The following DOCK3 variants were observed in gnomAD, a reference collection of about 807,000 sequenced individuals.
DOCK3 encodes the protein dedicator of cytokinesis 3, also known as dedicator of cytokinesis protein 3.
DOCK3 carries 60 observed loss-of-function variants against 265.6 expected under a neutral mutation model. The observed-to-expected ratio is 0.23, with a 90% CI of 0.18 to 0.28. The LOEUF (loss-of-function observed/expected upper bound fraction) is 0.28, where lower values mean the gene tolerates loss of function less well. Among genes scored for constraint, DOCK3 ranks in the 10% least tolerant of loss-of-function variants. DOCK3 has a pLI of 1.00. For missense variants in DOCK3, 1,981 were observed against 2,594.3 expected (o/e 0.76, Z 5.14); for synonymous variants, 881 against 938.0 (o/e 0.94, Z 1.11).
chr3:51,378,294 C>T (rs2088305225), intron 51 of DOCK3, among the ~76,000 whole-genome samples: 1 of 152,202 alleles, frequency 6.6e-6, no homozygotes, highest in African/African-American at 2.4e-5. Flanking sequence ...GCTGCAAGCT[C>T]ACGCCAGTTC....
intron 2 of DOCK3, among the ~76,000 whole-genome samples, chr3:50,801,586 A>G (rs9844519): frequency 0.86 from 130,373 of 152,254 alleles, 56,116 homozygotes; most frequent in East Asian, 0.95. Context: ...ACAATCTTAA[A>G]GTTTTTTTTG....
intron 38 of DOCK3, among the ~76,000 whole-genome samples, chr3:51,345,272 T>C (rs927446935): frequency 6.6e-6 from 1 of 152,218 alleles, no homozygotes; most frequent in African/African-American, 2.4e-5. Context: ...TCTAGCTCAC[T>C]GAGGCACAGG....
chr3:51,262,470 CA>C (rs34904497), intron 23 of DOCK3, among the ~76,000 whole-genome samples: 124,947 of 152,082 alleles, frequency 0.82, 51,923 homozygotes, highest in Middle Eastern at 0.9. Flanking sequence ...AAAACCAGTG[CA>C]AAAAGGCTGA....
At chr3:51,150,324 G>A (rs2085518624) in intron 10 of DOCK3, among the ~76,000 whole-genome samples, 1 of 151,940 alleles carries the variant, frequency 6.6e-6, no homozygotes, top group South Asian at 2.1e-4. Context: ...GGTTTTTTGT[G>A]TCTCTGTCTC....
chr3:51,101,182 G>A (rs57723217), intron 9 of DOCK3, among the ~76,000 whole-genome samples: 7,855 of 143,652 alleles, frequency 0.055, 745 homozygotes, highest in African/African-American at 0.19. Context: ...CTGCAGTGGC[G>A]CAATCTCGGC....
rs191352993 is a variant in DOCK3, at chr3:51,132,085, C to A, written c.747-14464C>A. Reference sequence around the variant, plus strand: ...TCCTCTACATTAAACCAAGGGAGATCAGGCATTTCCTCTCACAGTGGACCA... The same window carrying A: ...TCCTCTACATTAAACCAAGGGAGATAAGGCATTTCCTCTCACAGTGGACCA... On this transcript the variant is annotated intron_variant, in intron 9 of 52. Transcript: ENST00000266037. Among the ~76,000 whole-genome samples the A allele has an allele frequency of 7.2e-5, 11 of 152,286 alleles. No homozygotes were observed. In the East Asian group the frequency reaches 2.1e-3, roughly 29 times the overall value.
chr3:51,217,595 C>G (rs573738202), intron 14 of DOCK3, among the ~76,000 whole-genome samples: 66 of 152,300 alleles, frequency 4.3e-4, no homozygotes, highest in African/African-American at 1.6e-3. Flanking sequence ...TCCTTCCAAA[C>G]TCATTTTATT....
intron 5 of DOCK3, among the ~76,000 whole-genome samples, chr3:50,968,620 G>A (rs2077103851): frequency 6.6e-6 from 1 of 150,818 alleles, no homozygotes; most frequent in Non-Finnish European, 1.5e-5. Flanking sequence ...CACTATCTTG[G>A]CTCACTGCAA....
intron 10 of DOCK3, among the ~76,000 whole-genome samples, chr3:51,151,392 A>T (rs1265682977): frequency 2.0e-5 from 3 of 152,192 alleles, no homozygotes; most frequent in Admixed American, 2.0e-4. Context: ...GAAGAGCATC[A>T]ACATCAACCA....
intron 14 of DOCK3, among the ~76,000 whole-genome samples, chr3:51,217,644 T>C (rs1008819093): frequency 2.0e-5 from 3 of 152,238 alleles, no homozygotes; most frequent in Admixed American, 1.3e-4. Context: ...GGCACACTTT[T>C]AGTCCTTTTC....
chr3:50,939,527 T>C (rs1402418728), intron 5 of DOCK3, among the ~76,000 whole-genome samples: 1 of 152,082 alleles, frequency 6.6e-6, no homozygotes, highest in Non-Finnish European at 1.5e-5. Flanking sequence ...AATAATAATA[T>C]ACCATGGCCA....
At chr3:50,755,602 A>G (rs1245386205) in intron 1 of DOCK3, among the ~76,000 whole-genome samples, 1 of 152,212 alleles carries the variant, frequency 6.6e-6, no homozygotes, top group East Asian at 1.9e-4. Flanking sequence ...TGCAACCATC[A>G]TCATCTAATT....
intron 12 of DOCK3, among the ~76,000 whole-genome samples, chr3:51,193,802 T>TC (rs908936876): frequency 3.6e-3 from 8 of 2,248 alleles, no homozygotes; most frequent in South Asian, 0.027. Context: ...GGCTTCTCTC[T>TC]TTTTTTTTTT....
At chr3:51,372,829 T>C (rs1274177421) in intron 49 of DOCK3, among the ~76,000 whole-genome samples, 4 of 152,214 alleles carry the variant, frequency 2.6e-5, no homozygotes, top group African/African-American at 7.2e-5. Flanking sequence ...TCAGTGAGAA[T>C]AGGTGCTTTT....
chr3:50,877,420 C>T, intron 3 of DOCK3: 1 of 519,844 alleles, frequency 1.9e-6, no homozygotes, highest in Non-Finnish European at 3.9e-6. Flanking sequence ...TTCCAATGGC[C>T]CAGAAATCTG....
intron 5 of DOCK3, among the ~76,000 whole-genome samples, chr3:50,957,748 A>C (rs1316054114): frequency 6.6e-6 from 1 of 152,186 alleles, no homozygotes; most frequent in Non-Finnish European, 1.5e-5. Context: ...TTAATCCAGA[A>C]ACCTTCTGGT....
chr3:50,955,382 C>T (rs7642578), intron 5 of DOCK3, among the ~76,000 whole-genome samples: 3,803 of 152,234 alleles, frequency 0.025, 181 homozygotes, highest in African/African-American at 0.087. Context: ...GACACATGCA[C>T]ACAAATGTTC....
At chr3:50,875,491 T>C (rs922673177) in intron 3 of DOCK3, among the ~76,000 whole-genome samples, 3 of 152,154 alleles carry the variant, frequency 2.0e-5, no homozygotes, top group East Asian at 3.9e-4. Flanking sequence ...ACCCAGTTTG[T>C]TTAGAGGTTT....
In DOCK3 at chr3:51,160,705, G is replaced by A; in HGVS notation, c.1037+3G>A. The A allele has an allele frequency of 1.9e-6, 3 of 1,610,548 alleles. No homozygotes were observed. The highest frequency in any genetic ancestry group is 1.1e-5 in the South Asian group (1 of 90,622). On this transcript the variant is annotated splice_donor_region_variant and intron_variant, in intron 12 of 52. Transcript: ENST00000266037. ...GATTTTGTTCTTAAGGTTTACACGTGAGTAATGGACATCAGGAATATTAAT... is the reference window on the plus strand; with the variant it reads ...GATTTTGTTCTTAAGGTTTACACGTAAGTAATGGACATCAGGAATATTAAT...
Sources: gnomAD v4.1 joint callset for allele counts (sites outside exome capture counted in the v4.1 genomes callset) on GRCh38, gnomAD v4.1.1 for gene constraint, MANE v1.5 for transcripts, NCBI Gene and HGNC (gene_info 2026-07-23, HGNC 2026-07-21) for gene names.